The following SHISA6 variants were observed in gnomAD, a reference collection of about 807,000 sequenced individuals.
SHISA6 encodes the protein protein shisa-6.
SHISA6 carries 22 observed loss-of-function variants against 47.9 expected under a neutral mutation model. That is an observed-to-expected ratio of 0.46 (90% CI 0.33 to 0.66). The LOEUF (loss-of-function observed/expected upper bound fraction) is 0.66, where lower values mean the gene tolerates loss of function less well. SHISA6 is among the 30% of genes least tolerant of loss of function. The pLI, the probability that SHISA6 is intolerant of heterozygous loss-of-function variation, is 0.02. For synonymous variants in SHISA6, 388 were observed against 337.8 expected (o/e 1.15, Z -1.63); for missense variants, 680 against 764.6 (o/e 0.89, Z 1.30).
In SHISA6 at chr17:11,250,136, A is replaced by G. The variant is rs184656404; in HGVS notation, c.638+8076A>G. On this transcript the variant is annotated intron_variant, in intron 1 of 5. Transcript: ENST00000441885. ...GAAAGGGTGAAAAAGTGCACGTCCC[A>G]TATTTCTGCATGAGATAGTAGACAG... Among the ~76,000 whole-genome samples the G allele has an allele frequency of 4.6e-5, 7 of 152,324 alleles. No individual in the cohort carries two copies. In the East Asian group the frequency reaches 9.7e-4, roughly 21 times the overall value.
intron 1 of SHISA6, among the ~76,000 whole-genome samples, chr17:11,243,876 T>C (rs1907475142): frequency 6.6e-6 from 1 of 152,220 alleles, no homozygotes; most frequent in South Asian, 2.1e-4. Flanking sequence ...TGAGCCATTG[T>C]TCTCTGTACT....
intron 2 of SHISA6, among the ~76,000 whole-genome samples, chr17:11,368,138 G>A (rs1005023297): frequency 2.0e-5 from 3 of 152,076 alleles, no homozygotes; most frequent in Admixed American, 6.5e-5. Context: ...TACAAGACTC[G>A]GTGTGTCCAA....
chr17:11,444,152 C>G (rs1282855550), intron 3 of SHISA6, among the ~76,000 whole-genome samples: 1 of 151,996 alleles, frequency 6.6e-6, no homozygotes, highest in Non-Finnish European at 1.5e-5. Context: ...AACCCCATCG[C>G]TACTAAAAAT....
At chr17:11,390,822 CAT>C (rs1207747057) in intron 3 of SHISA6, among the ~76,000 whole-genome samples, 2 of 152,106 alleles carry the variant, frequency 1.3e-5, no homozygotes, top group Non-Finnish European at 2.9e-5. Context: ...GCAACAGAGA[CAT>C]GTTACATTTG....
At chr17:11,285,977 C>T (rs988585075) in intron 2 of SHISA6, among the ~76,000 whole-genome samples, 1 of 152,002 alleles carries the variant, frequency 6.6e-6, no homozygotes, top group African/African-American at 2.4e-5. Flanking sequence ...GCTGGGATTA[C>T]AGGCACGTGC....
intron 1 of SHISA6, among the ~76,000 whole-genome samples, chr17:11,263,119 G>A (rs1908297343): frequency 2.0e-5 from 3 of 152,288 alleles, no homozygotes; most frequent in African/African-American, 7.2e-5. Context: ...GTTTACTGAT[G>A]TGAAATAAAT....
At chr17:11,286,647 G>C (rs765086528) in intron 2 of SHISA6, among the ~76,000 whole-genome samples, 4 of 152,220 alleles carry the variant, frequency 2.6e-5, no homozygotes, top group Admixed American at 1.3e-4. Context: ...ATGGGAGTCA[G>C]GACTAACTTC....
chr17:11,311,760 ATTTCTTTTCT>A (rs566126211), intron 2 of SHISA6, among the ~76,000 whole-genome samples: 42 of 151,546 alleles, frequency 2.8e-4, no homozygotes, highest in South Asian at 8.4e-4. Flanking sequence ...AGATATTTAG[ATTTCTTTTCT>A]TTTCTTTTCT....
intron 2 of SHISA6, among the ~76,000 whole-genome samples, chr17:11,349,444 G>A (rs1280386984): frequency 6.6e-6 from 1 of 152,178 alleles, no homozygotes; most frequent in African/African-American, 2.4e-5. Context: ...TTCTGTGCTT[G>A]GTTAGCAGAA....
chr17:11,478,320 G>T (rs1376472989), intron 3 of SHISA6, among the ~76,000 whole-genome samples: 7 of 98,792 alleles, frequency 7.1e-5, no homozygotes, highest in African/African-American at 1.6e-4. Flanking sequence ...CTGGATATTA[G>T]CCCTTTGTCA....
At chr17:11,394,429 G>T (rs1913496246) in intron 3 of SHISA6, among the ~76,000 whole-genome samples, 1 of 152,170 alleles carries the variant, frequency 6.6e-6, no homozygotes, top group African/African-American at 2.4e-5. Flanking sequence ...TTCCACCTCT[G>T]TCAAAGTTGG....
chr17:11,350,060 T>A (rs1366936038), intron 2 of SHISA6, among the ~76,000 whole-genome samples: 3 of 150,104 alleles, frequency 2.0e-5, no homozygotes, highest in South Asian at 2.1e-4. Flanking sequence ...TCTCCCCACC[T>A]TTTTTTTTGT....
chr17:11,291,823 C>G (rs1397327588), intron 2 of SHISA6, among the ~76,000 whole-genome samples: 1 of 152,102 alleles, frequency 6.6e-6, no homozygotes, highest in Non-Finnish European at 1.5e-5. Flanking sequence ...CATCTGTATC[C>G]TAACCTCCTC....
chr17:11,364,374 A>G (rs1319745772), intron 2 of SHISA6, among the ~76,000 whole-genome samples: 1 of 152,184 alleles, frequency 6.6e-6, no homozygotes, highest in East Asian at 1.9e-4. Flanking sequence ...GCTTCTTTCA[A>G]AAGAACTTTG....
intron 2 of SHISA6, chr17:11,290,369 G>A (rs77938549): frequency 2.7e-5 from 1 of 37,684 alleles, no homozygotes; most frequent in Non-Finnish European, 5.8e-5. Context: ...TTTTTTTTTT[G>A]AGATGGAATC....
chr17:11,263,492 C>G lies in SHISA6; in HGVS notation c.765C>G (p.His255Gln). Residue 255 changes from histidine (H) to glutamine (Q), a missense_variant, in exon 2 of 6, where the codon CAC becomes CAG. Transcript: ENST00000441885. ...NTPVRSSSKN[H>Q]YTPVRTAKQT... ...CGGTCAGATCGTCCTCCAAAAACCA[C>G]TACACTCCTGTGCGTACGGCCAAGC... 6.4e-7 allele frequency: 1 copy of G among 1,551,752 alleles called. No homozygotes were observed. Among genetic ancestry groups the G allele is most frequent in the Non-Finnish European group, 8.7e-7 (1 of 1,147,010 alleles).
intron 3 of SHISA6, among the ~76,000 whole-genome samples, chr17:11,495,556 G>A (rs959973116): frequency 2.0e-5 from 3 of 152,194 alleles, no homozygotes; most frequent in Non-Finnish European, 4.4e-5. Context: ...ATTTTGCAAA[G>A]ACAAGCCCTG....
intron 3 of SHISA6, among the ~76,000 whole-genome samples, chr17:11,424,532 G>T (rs1293212337): frequency 6.6e-6 from 1 of 151,172 alleles, no homozygotes; most frequent in Admixed American, 6.6e-5. Context: ...CAATACTATT[G>T]GCCTGCAATT....
At chr17:11,337,861 AGTC>A (rs2142210279) in intron 2 of SHISA6, among the ~76,000 whole-genome samples, 1 of 152,324 alleles carries the variant, frequency 6.6e-6, no homozygotes, top group South Asian at 2.1e-4. Flanking sequence ...AATAATTATT[AGTC>A]AAATGATTAT....
Sources: gnomAD v4.1 joint callset for allele counts (sites outside exome capture counted in the v4.1 genomes callset) on GRCh38, gnomAD v4.1.1 for gene constraint, MANE v1.5 for transcripts, NCBI Gene and HGNC (gene_info 2026-07-23, HGNC 2026-07-21) for gene names.